SRPK2: variants seen among roughly 807,000 people sequenced by gnomAD.
The protein encoded by SRPK2 is SRSF protein kinase 2.
Under a neutral mutation model 90.8 loss-of-function variants are expected in SRPK2, and 21 were observed. The ratio of observed to expected loss-of-function variants is 0.23; its 90% confidence interval spans 0.16 to 0.33. The LOEUF (loss-of-function observed/expected upper bound fraction) is 0.33. SRPK2 is among the 10% of genes least tolerant of loss of function. The pLI, the probability that SRPK2 is intolerant of heterozygous loss-of-function variation, is 1.00. For synonymous variants in SRPK2, 288 were observed against 311.1 expected (o/e 0.93, Z 0.78); for missense variants, 620 against 869.0 (o/e 0.71, Z 3.60).
chr7:105,275,743 G>A (rs1000214137), intron 2 of SRPK2, among the ~76,000 whole-genome samples: 2 of 152,078 alleles, frequency 1.3e-5, no homozygotes, highest in Non-Finnish European at 2.9e-5. Flanking sequence ...GTGCTTCAAA[G>A]ATACAGACAT....
In SRPK2 at chr7:105,233,231, C is replaced by G. The variant is rs1308034799; in HGVS notation, c.72-29446G>C. Among the ~76,000 whole-genome samples, 5 of 152,220 alleles carry G rather than the reference C, an allele frequency of 3.3e-5. No homozygotes were observed. The East Asian group carries it at 9.7e-4, about 29-fold the overall frequency. On this transcript the variant is annotated intron_variant, in intron 2 of 15. Coordinates refer to ENST00000393651, the MANE Select transcript of SRPK2 (RefSeq NM_182692.3). ...TAGAAACTGAGTGGCTGTCTATAGT[C>G]ACGCCACCCTGAAAACACCTAATCG... is the stretch of plus-strand genomic sequence containing the variant.
chr7:105,137,213 T>G (rs1224747674), intron 11 of SRPK2, among the ~76,000 whole-genome samples: 1 of 152,118 alleles, frequency 6.6e-6, no homozygotes, highest in Non-Finnish European at 1.5e-5. Context: ...GAAGCCAGTG[T>G]GAACGGTGTA....
chr7:105,194,727 G>C (rs898089291), intron 3 of SRPK2, among the ~76,000 whole-genome samples: 1 of 152,152 alleles, frequency 6.6e-6, no homozygotes, highest in African/African-American at 2.4e-5. Flanking sequence ...ATCGAGACAG[G>C]TCAAAACAAT....
At chr7:105,121,089 T>C (rs1306412497) in intron 15 of SRPK2, among the ~76,000 whole-genome samples, 1 of 152,206 alleles carries the variant, frequency 6.6e-6, no homozygotes, top group Admixed American at 6.5e-5. Context: ...GGCTCATGAC[T>C]GTAATTCCAG....
chr7:105,254,688 G>T (rs1406480484), intron 2 of SRPK2, among the ~76,000 whole-genome samples: 1 of 151,696 alleles, frequency 6.6e-6, no homozygotes, highest in Non-Finnish European at 1.5e-5. Flanking sequence ...TGTTGTTGTT[G>T]TTATTGTTGT....
intron 2 of SRPK2, among the ~76,000 whole-genome samples, chr7:105,316,253 CGT>C (rs1486397639): frequency 6.6e-6 from 1 of 152,032 alleles, no homozygotes; most frequent in African/African-American, 2.4e-5. Flanking sequence ...CGAGAGCCAC[CGT>C]GCCTGGCCAT....
At chr7:105,220,025 T>C (rs933351048) in intron 2 of SRPK2, among the ~76,000 whole-genome samples, 2 of 152,226 alleles carry the variant, frequency 1.3e-5, no homozygotes, top group Non-Finnish European at 2.9e-5. Context: ...TATTCATCAC[T>C]ACTTAGTAGG....
At chr7:105,194,035 C>A (rs1166691626) in intron 3 of SRPK2, among the ~76,000 whole-genome samples, 1 of 152,176 alleles carries the variant, frequency 6.6e-6, no homozygotes, top group East Asian at 1.9e-4. Context: ...TTCTCCCAGT[C>A]TGAAGCTGGT....
intron 11 of SRPK2, among the ~76,000 whole-genome samples, chr7:105,137,423 G>C (rs1001398365): frequency 6.6e-6 from 1 of 152,136 alleles, no homozygotes; most frequent in Non-Finnish European, 1.5e-5. Flanking sequence ...AGTTCTCTCT[G>C]GACTGCCAGA....
At chr7:105,176,739 A>G (rs1292456829) in intron 3 of SRPK2, among the ~76,000 whole-genome samples, 9 of 91,290 alleles carry the variant, frequency 9.9e-5, no homozygotes, top group Admixed American at 4.4e-4. Flanking sequence ...GTATGTATGT[A>G]TGTGTGTATA....
intron 2 of SRPK2, among the ~76,000 whole-genome samples, chr7:105,269,373 T>C (rs777200230): frequency 1.3e-5 from 2 of 152,222 alleles, no homozygotes; most frequent in East Asian, 1.9e-4. Flanking sequence ...AACCCCGATG[T>C]ATAGATTTCA....
In SRPK2 at chr7:105,268,902, T is replaced by C. The variant is rs1438434992; in HGVS notation, c.72-65117A>G. 15 of 1,566,526 alleles carry C rather than the reference T, an allele frequency of 9.6e-6. No homozygotes were observed. In the East Asian group the frequency reaches 1.6e-4, roughly 17 times the overall value. ...AATCAGAAAATATTCACAACCAAGATTGCCTGCCCTTGCTTTCAAGCCTTA... is the reference window on the plus strand; with the variant it reads ...AATCAGAAAATATTCACAACCAAGACTGCCTGCCCTTGCTTTCAAGCCTTA... On this transcript the variant is annotated intron_variant, in intron 2 of 15. Coordinates refer to ENST00000393651, the MANE Select transcript of SRPK2 (RefSeq NM_182692.3).
intron 2 of SRPK2, chr7:105,206,099 C>T (rs1267952212): frequency 1.5e-5 from 7 of 473,832 alleles, no homozygotes; most frequent in Non-Finnish European, 1.3e-5. Context: ...GGATGCTTTT[C>T]ACCATCGCTG....
At chr7:105,170,336 G>A (rs756928899) in intron 3 of SRPK2, among the ~76,000 whole-genome samples, 1 of 151,832 alleles carries the variant, frequency 6.6e-6, no homozygotes, top group Non-Finnish European at 1.5e-5. Context: ...CCTCTAACAG[G>A]GCTTGTTCCT....
intron 2 of SRPK2, among the ~76,000 whole-genome samples, chr7:105,354,683 T>C (rs571092435): frequency 1.3e-5 from 2 of 152,288 alleles, no homozygotes; most frequent in South Asian, 2.1e-4. Flanking sequence ...GGAACAGACA[T>C]TGCTACTCCT....
intron 13 of SRPK2, among the ~76,000 whole-genome samples, chr7:105,130,780 G>A (rs1454125964): frequency 6.6e-6 from 1 of 151,032 alleles, no homozygotes. Flanking sequence ...GGGGCAAGCA[G>A]TGAATGAGGG....
chr7:105,119,833 T>C (rs566529168), intron 15 of SRPK2, among the ~76,000 whole-genome samples: 2 of 152,320 alleles, frequency 1.3e-5, no homozygotes, highest in South Asian at 4.1e-4. Flanking sequence ...AAATTATATG[T>C]ACTCGCAAAA....
chr7:105,192,536 G>A (rs960476420), intron 3 of SRPK2, among the ~76,000 whole-genome samples: 5 of 152,186 alleles, frequency 3.3e-5, no homozygotes, highest in East Asian at 1.9e-4. Flanking sequence ...TTTATATAAC[G>A]ACTTATTTTC....
chr7:105,370,584 A>C (rs1819577177), intron 2 of SRPK2, among the ~76,000 whole-genome samples: 1 of 151,740 alleles, frequency 6.6e-6, no homozygotes, highest in South Asian at 2.1e-4. Flanking sequence ...TGGAACTGAC[A>C]AGCCAATTTT....
Sources: allele counts gnomAD v4.1 joint callset (sites outside exome capture counted in the v4.1 genomes callset), GRCh38; gene constraint gnomAD v4.1.1; transcripts MANE v1.5; gene names NCBI Gene and HGNC (gene_info 2026-07-23, HGNC 2026-07-21).